Variants in NEXN observed in about 807,000 individuals in gnomAD.
NEXN encodes nexilin F-actin binding protein, also known as nexilin.
In NEXN, 65 loss-of-function variants were observed where a neutral mutation model predicts 92.6. That is an observed-to-expected ratio of 0.70 (90% confidence interval 0.57 to 0.86). The LOEUF (loss-of-function observed/expected upper bound fraction) is 0.86. NEXN is among the 40% of genes least tolerant of loss of function. The probability of loss-of-function intolerance (pLI) is 0.00; values close to 1 mark genes in which losing one functional copy is unlikely to be tolerated. For synonymous variants in NEXN, 254 were observed against 242.5 expected (o/e 1.05, Z -0.44); for missense variants, 778 against 771.1 (o/e 1.01, Z -0.11).
chr1:77,940,201 A>T (rs757639135), intron 11 of NEXN, among the ~76,000 whole-genome samples: 1 of 152,220 alleles, frequency 6.6e-6, no homozygotes, highest in Non-Finnish European at 1.5e-5. Flanking sequence ...TGGTACTTAA[A>T]TGCCTTATAT....
chr1:77,942,891 CT>C lies in NEXN; in HGVS notation c.*68del. 6.6e-7 allele frequency: 1 copy of C among 1,518,626 alleles called. No homozygotes were observed. Among genetic ancestry groups the C allele is most frequent in the Non-Finnish European group, 8.9e-7 (1 of 1,119,236 alleles). 94.1% of individuals were successfully genotyped at this position (1,518,626 alleles called of 1,614,324 possible). A position where few individuals can be genotyped will look rare whatever the true frequency, so the allele number is the denominator to read the frequency against. On this transcript the variant is annotated 3_prime_UTR_variant, in exon 13 of 13. Coordinates refer to ENST00000334785, the MANE Select transcript of NEXN (RefSeq NM_144573.4). ...TCCTTAAAATCACTTTTCTTCTTCT[CT>C]TTTTTAGCTGATGACTACTAGCTCC... is the stretch of plus-strand genomic sequence containing the variant.
intron 10 of NEXN, among the ~76,000 whole-genome samples, chr1:77,934,011 AT>A (rs71075780): frequency 5.7e-4 from 65 of 114,324 alleles, no homozygotes; most frequent in Middle Eastern, 5.8e-3. Context: ...CTAATTTTTA[AT>A]TTTTTTTTTT....
intron 1 of NEXN, among the ~76,000 whole-genome samples, chr1:77,899,734 G>C (rs934481843): frequency 6.6e-6 from 1 of 151,882 alleles, no homozygotes; most frequent in Non-Finnish European, 1.5e-5. Flanking sequence ...TTGACTTTTT[G>C]TTCCCTTTCA....
chr1:77,937,400 T>TA (rs151133293), intron 11 of NEXN, among the ~76,000 whole-genome samples: 13,149 of 151,648 alleles, frequency 0.087, 667 homozygotes, highest in African/African-American at 0.15. Flanking sequence ...TTAAAAAAAT[T>TA]ATTTGAGGCC....
chr1:77,934,490 T>C (rs761850222), intron 10 of NEXN, among the ~76,000 whole-genome samples: 1 of 152,218 alleles, frequency 6.6e-6, no homozygotes, highest in Non-Finnish European at 1.5e-5. Context: ...GTGTGTTGTA[T>C]GTAAGTGAAA....
intron 1 of NEXN, among the ~76,000 whole-genome samples, chr1:77,899,800 TTAAA>T (rs1391684021): frequency 2.0e-5 from 3 of 152,142 alleles, no homozygotes; most frequent in South Asian, 2.1e-4. Flanking sequence ...GAAATATTTG[TTAAA>T]TAAATAATGA....
chr1:77,895,332 A>AC (rs1647209676), intron 1 of NEXN, among the ~76,000 whole-genome samples: 1 of 151,996 alleles, frequency 6.6e-6, no homozygotes, highest in African/African-American at 2.4e-5. Flanking sequence ...GGCATGAGCC[A>AC]CCGCGCCCGG....
chr1:77,935,723 CAGG>C (rs1027563650), intron 10 of NEXN, 97 bp from the exon 11 acceptor site: 77 of 1,013,392 alleles, frequency 7.6e-5, no homozygotes, highest in Admixed American at 3.7e-4. Flanking sequence ...GAAGCTGAGG[CAGG>C]AGGATTGCTT....
rs1452768769 is a variant in NEXN, at chr1:77,918,115, A to G, written c.299-10A>G. ...ACCAAGTATCAAACTTTTTTTTCAT[A>G]TATTTTTAGGAACTGTGAAGGGTAG... is the stretch of plus-strand genomic sequence containing the variant. On this transcript the variant is annotated splice_polypyrimidine_tract_variant and intron_variant, in intron 4 of 12. Transcript: ENST00000334785. 1.5e-5 allele frequency: 25 copies of G among 1,613,684 alleles called. No individual in the cohort carries two copies. The highest frequency in any genetic ancestry group is 3.3e-5 in the Admixed American group (2 of 60,012).
intron 1 of NEXN, among the ~76,000 whole-genome samples, chr1:77,904,767 T>C (rs570602184): frequency 5.3e-5 from 8 of 152,202 alleles, no homozygotes; most frequent in South Asian, 2.1e-4. Flanking sequence ...TTCAATTCTA[T>C]AGTAGGCATG....
At chr1:77,937,456 G>A (rs1196419813) in intron 11 of NEXN, among the ~76,000 whole-genome samples, 3 of 152,134 alleles carry the variant, frequency 2.0e-5, no homozygotes. Context: ...TTGGGAGGCC[G>A]AGGTGGGTGG....
intron 11 of NEXN, among the ~76,000 whole-genome samples, chr1:77,936,939 G>A (rs779415818): frequency 1.5e-4 from 23 of 152,194 alleles, no homozygotes; most frequent in Non-Finnish European, 2.5e-4. Flanking sequence ...GCACGAGTGC[G>A]AAGGACAGCA....
At chr1:77,924,476 G>A (rs57444992) in intron 5 of NEXN, among the ~76,000 whole-genome samples, 14,117 of 152,132 alleles carry the variant, frequency 0.093, 1,245 homozygotes, top group African/African-American at 0.23. Context: ...GATTGCTAAT[G>A]GATAGGTTTT....
chr1:77,929,297 G>T lies in NEXN; in HGVS notation c.865-19G>T. The T allele has an allele frequency of 6.6e-7, 1 of 1,511,856 alleles. No individual in the cohort carries two copies. The allele number at this position is 1,511,856 out of a possible 1,614,324, so 93.7% of individuals were successfully genotyped here. ...CTGATGAACCTCAATTCTTAGTAAT[G>T]AATTGTTTATTTGGTTAGGTAAATG... On this transcript the variant is annotated intron_variant, in intron 8 of 12. Transcript: ENST00000334785.
intron 11 of NEXN, among the ~76,000 whole-genome samples, chr1:77,938,447 G>A (rs925729979): frequency 1.3e-5 from 2 of 151,922 alleles, no homozygotes; most frequent in East Asian, 1.9e-4. Context: ...TCAAGAGATC[G>A]AGACCATCCT....
At chr1:77,934,674 T>C (rs918361948) in intron 10 of NEXN, among the ~76,000 whole-genome samples, 2 of 152,018 alleles carry the variant, frequency 1.3e-5, no homozygotes, top group Non-Finnish European at 2.9e-5. Context: ...CCAGGTTGCG[T>C]GGGCAGCAGA....
At chr1:77,909,294 C>A (rs865882318) in intron 1 of NEXN, among the ~76,000 whole-genome samples, 1 of 152,054 alleles carries the variant, frequency 6.6e-6, no homozygotes, top group Admixed American at 6.6e-5. Context: ...GTGGGGCATG[C>A]CTGTAATCCC....
At chr1:77,905,159 T>C (rs1166707) in intron 1 of NEXN, among the ~76,000 whole-genome samples, 133,535 of 151,972 alleles carry the variant, frequency 0.88, 58,820 homozygotes, top group Middle Eastern at 0.91. Context: ...CTACTCAGGA[T>C]GCTGAGGCAG....
intron 1 of NEXN, among the ~76,000 whole-genome samples, chr1:77,896,938 C>CA (rs1257086541): frequency 2.0e-5 from 3 of 152,142 alleles, no homozygotes; most frequent in Non-Finnish European, 2.9e-5. Flanking sequence ...TCAACACATA[C>CA]ACCCTCCCAA....
Sources: allele counts gnomAD v4.1 joint callset (sites outside exome capture counted in the v4.1 genomes callset), GRCh38; gene constraint gnomAD v4.1.1; transcripts MANE v1.5; gene names NCBI Gene and HGNC (gene_info 2026-07-23, HGNC 2026-07-21).